Variants in TSPAN9 observed in about 807,000 individuals in gnomAD.
TSPAN9 encodes tetraspanin-9.
TSPAN9 carries 16 observed loss-of-function variants against 31.0 expected under a neutral mutation model. The ratio of observed to expected loss-of-function variants is 0.52; its 90% CI spans 0.35 to 0.78. TSPAN9 has a LOEUF of 0.78. Among genes scored for constraint, TSPAN9 ranks in the 30% least tolerant of loss-of-function variants. The probability of loss-of-function intolerance (pLI) is 0.01; values close to 1 mark genes in which losing one functional copy is unlikely to be tolerated. For missense variants in TSPAN9, 272 were observed against 312.5 expected, an observed-to-expected ratio of 0.87 and a Z score of 0.98; for synonymous variants, 145 against 121.6, an observed-to-expected ratio of 1.19 and a Z score of -1.27.
At chr12:3,245,095 C>G (rs552335542) in intron 3 of TSPAN9, among the ~76,000 whole-genome samples, 56 of 152,322 alleles carry the variant, frequency 3.7e-4, no homozygotes, top group Middle Eastern at 3.4e-3. Flanking sequence ...TCCCCAGGTA[C>G]AGCCACACTC....
intron 2 of TSPAN9, among the ~76,000 whole-genome samples, chr12:3,154,933 A>T (rs749651282): frequency 2.6e-5 from 4 of 152,182 alleles, no homozygotes; most frequent in Non-Finnish European, 4.4e-5. Flanking sequence ...CCCCCTACAG[A>T]CATGATCTAG....
intron 1 of TSPAN9, among the ~76,000 whole-genome samples, chr12:3,081,784 A>C (rs1034136168): frequency 2.0e-5 from 3 of 150,552 alleles, no homozygotes; most frequent in Non-Finnish European, 4.4e-5. Context: ...TGGGCAACAT[A>C]GTGAGGCCTC....
At chr12:3,095,684 T>C (rs538603507) in intron 2 of TSPAN9, among the ~76,000 whole-genome samples, 2,307 of 150,262 alleles carry the variant, frequency 0.015, 44 homozygotes, top group African/African-American at 0.05. Context: ...GAGGGGCTCC[T>C]CACTTCCCAG....
intron 2 of TSPAN9, among the ~76,000 whole-genome samples, chr12:3,175,390 T>C (rs1345954462): frequency 6.6e-6 from 1 of 152,120 alleles, no homozygotes. Flanking sequence ...TGGCAGCCCC[T>C]GTGAGCTGCA....
chr12:3,138,473 C>CTT (rs11379851), intron 2 of TSPAN9, among the ~76,000 whole-genome samples: 10 of 150,638 alleles, frequency 6.6e-5, no homozygotes, highest in Admixed American at 3.3e-4. Context: ...TTCTTTTTTT[C>CTT]TTTTTTTTGA....
chr12:3,253,676 A>G (rs1460225716), intron 3 of TSPAN9, among the ~76,000 whole-genome samples: 1 of 152,220 alleles, frequency 6.6e-6, no homozygotes, highest in Non-Finnish European at 1.5e-5. Flanking sequence ...AAAGGTCCAC[A>G]GGGTGACAGG....
chr12:3,252,486 G>T lies in TSPAN9; in HGVS notation c.64-25935G>T, dbSNP rs565900883. On this transcript the variant is annotated intron_variant, in intron 3 of 8. Transcript: ENST00000011898. Reference sequence around the variant, plus strand: ...GCCCCTGGGCTCCCCCCAGCCCCATGCCCTTATATAGCCGTCCCTGCACTC... The same window carrying T: ...GCCCCTGGGCTCCCCCCAGCCCCATTCCCTTATATAGCCGTCCCTGCACTC... 5.6e-4 allele frequency among the ~76,000 whole-genome samples: 86 copies of T among 152,344 alleles called. No individual in the cohort carries two copies. In the South Asian group the frequency reaches 0.017, roughly 31 times the overall value.
At chr12:3,248,711 C>T (rs543930670) in intron 3 of TSPAN9, among the ~76,000 whole-genome samples, 126 of 152,216 alleles carry the variant, frequency 8.3e-4, no homozygotes, top group African/African-American at 2.9e-3. Context: ...CCCCCTGCTC[C>T]CCAAAAGAAT....
At chr12:3,184,173 TGAGTTCAG>T (rs1191884419) in intron 2 of TSPAN9, among the ~76,000 whole-genome samples, 1 of 151,954 alleles carries the variant, frequency 6.6e-6, no homozygotes, top group African/African-American at 2.4e-5. Flanking sequence ...GCAGCTCGCT[TGAGTTCAG>T]GAGTTCAGGA....
At chr12:3,231,966 C>T (rs988180694) in intron 3 of TSPAN9, among the ~76,000 whole-genome samples, 4 of 152,252 alleles carry the variant, frequency 2.6e-5, no homozygotes, top group Non-Finnish European at 4.4e-5. Flanking sequence ...CCCTGCTTAT[C>T]CTGATTGCAG....
intron 2 of TSPAN9, among the ~76,000 whole-genome samples, chr12:3,148,705 C>T (rs143047877): frequency 3.3e-4 from 51 of 152,368 alleles, no homozygotes; most frequent in South Asian, 1.2e-3. Context: ...GCTCATATTC[C>T]ACTCCTTACA....
At chr12:3,166,059 C>A (rs61420860) in intron 2 of TSPAN9, among the ~76,000 whole-genome samples, 4,335 of 152,252 alleles carry the variant, frequency 0.028, 203 homozygotes, top group African/African-American at 0.099. Flanking sequence ...TCTCTAAACG[C>A]TCTCATTTGG....
At chr12:3,135,381 C>T (rs1223749011) in intron 2 of TSPAN9, among the ~76,000 whole-genome samples, 3 of 152,110 alleles carry the variant, frequency 2.0e-5, no homozygotes, top group South Asian at 2.1e-4. Context: ...CCACTGTGCC[C>T]GGCCACCACG....
At chr12:3,217,495 G>A (rs1316555168) in intron 3 of TSPAN9, among the ~76,000 whole-genome samples, 1 of 152,190 alleles carries the variant, frequency 6.6e-6, no homozygotes, top group African/African-American at 2.4e-5. Flanking sequence ...GGTCTGTGAT[G>A]TCCAGAGGCC....
intron 2 of TSPAN9, among the ~76,000 whole-genome samples, chr12:3,132,400 G>T (rs1213926513): frequency 2.0e-5 from 3 of 152,056 alleles, no homozygotes; most frequent in Admixed American, 1.3e-4. Context: ...ACGCATGAGG[G>T]TTCCAATTTC....
rs1863020032 is a variant in TSPAN9 at position 3,286,514 on chromosome 12, GTTTTTAGCATGTTTTTAAA to G, written c.*3400_*3418del. ...TGGTCCTGGCTTTATGGAACACCAT[GTTTTTAGCATGTTTTTAAA>G]TAAAAACGGATAAAGTGTCAAAAGC... On this transcript the variant is annotated 3_prime_UTR_variant, in exon 9 of 9. Transcript: ENST00000011898. The surrounding 1 kb of genome is among the most constrained non-coding windows in gnomAD (Gnocchi z 4.1). 6.6e-6 allele frequency: 1 copy of G among 152,404 alleles called. No homozygotes were observed. Among genetic ancestry groups the G allele is most frequent in the African/African-American group, 2.4e-5 (1 of 41,414 alleles). 9.4% of individuals were successfully genotyped at this position (152,404 alleles called of 1,614,324 possible).
chr12:3,190,132 AGGGAGAGTGGGCCGAG>A (rs1263050798), intron 2 of TSPAN9, among the ~76,000 whole-genome samples: 2 of 152,158 alleles, frequency 1.3e-5, no homozygotes, highest in Non-Finnish European at 2.9e-5. Flanking sequence ...AGCCCCGTAG[AGGGAGAGTGGGCCGAG>A]GGAGGCAGCA....
chr12:3,166,859 C>T (rs564613641), intron 2 of TSPAN9, among the ~76,000 whole-genome samples: 67 of 152,280 alleles, frequency 4.4e-4, no homozygotes, highest in African/African-American at 1.5e-3. Flanking sequence ...TGTGGTGGCG[C>T]GATCTCGGCT....
chr12:3,104,330 A>G (rs1290003492), intron 2 of TSPAN9, among the ~76,000 whole-genome samples: 1 of 149,952 alleles, frequency 6.7e-6, no homozygotes, highest in African/African-American at 2.5e-5. Context: ...CAGTAGCAGT[A>G]CTAATAACTG....
Sources: gnomAD v4.1 joint callset for allele counts (sites outside exome capture counted in the v4.1 genomes callset) on GRCh38, gnomAD v4.1.1 for gene constraint, Gnocchi (gnomAD v3.1) non-coding constraint, MANE v1.5 for transcripts, NCBI Gene and HGNC (gene_info 2026-07-23, HGNC 2026-07-21) for gene names.